The following COX7B2 variants were observed in gnomAD, a reference collection of about 807,000 sequenced individuals.
COX7B2 encodes the protein cytochrome c oxidase subunit 7B2, mitochondrial.
For missense variants in COX7B2, 109 were observed against 95.9 expected, an observed-to-expected ratio of 1.14 and a Z score of -0.57; for synonymous variants, 37 against 32.1, an observed-to-expected ratio of 1.15 and a Z score of -0.51.
intron 2 of COX7B2, among the ~76,000 whole-genome samples, chr4:46,748,373 A>C (rs945545564): frequency 1.3e-5 from 2 of 152,198 alleles, no homozygotes; most frequent in Non-Finnish European, 2.9e-5. Context: ...TAGTCTCAAA[A>C]CAAAAAAATA....
chr4:46,795,763 GGC>G (rs1474973021), intron 2 of COX7B2, among the ~76,000 whole-genome samples: 4 of 16,894 alleles, frequency 2.4e-4, no homozygotes, highest in Middle Eastern at 0.015. Flanking sequence ...TGATGGGGAT[GGC>G]ATTGAATCTG....
At chr4:46,784,871 A>G (rs1352850351) in intron 2 of COX7B2, among the ~76,000 whole-genome samples, 3 of 152,232 alleles carry the variant, frequency 2.0e-5, no homozygotes, top group African/African-American at 7.2e-5. Flanking sequence ...ATATCATCAC[A>G]TATTAGCTCC....
At chr4:46,897,122 G>A (rs1255854640) in intron 1 of COX7B2, among the ~76,000 whole-genome samples, 1 of 152,130 alleles carries the variant, frequency 6.6e-6, no homozygotes, top group Non-Finnish European at 1.5e-5. Context: ...AATGTCCTAT[G>A]TTAGCCTCAC....
chr4:46,882,924 T>C (rs1184581439), intron 1 of COX7B2, among the ~76,000 whole-genome samples: 1 of 152,216 alleles, frequency 6.6e-6, no homozygotes, highest in Non-Finnish European at 1.5e-5. Context: ...ATATTACTTG[T>C]GATAAATTTT....
chr4:46,807,342 A>G (rs1719057419), intron 2 of COX7B2, among the ~76,000 whole-genome samples: 1 of 152,082 alleles, frequency 6.6e-6, no homozygotes, highest in East Asian at 1.9e-4. Context: ...TCTTCTGACC[A>G]TGATTTAATT....
At position 46,855,043 on chromosome 4, in the gene COX7B2, T is replaced by C. The variant is rs116368850; in HGVS notation, c.-104-10029A>G. ...TTTTAAAGAAATTAACAAAAGTTTA[T>C]TAGGCCAGGTGCGGTGCCTCACGTC... On this transcript the variant is annotated intron_variant, in intron 1 of 2. Coordinates refer to ENST00000355591, the MANE Select transcript of COX7B2 (RefSeq NM_130902.3). Among the ~76,000 whole-genome samples, 247 of 152,278 alleles carry C rather than the reference T, an allele frequency of 1.6e-3. 2 individuals are homozygous for C. The highest frequency in any genetic ancestry group is 3.4e-3 in the Middle Eastern group (1 of 294).
intron 2 of COX7B2, among the ~76,000 whole-genome samples, chr4:46,754,086 G>C (rs62303544): frequency 0.11 from 17,213 of 152,102 alleles, 1,421 homozygotes; most frequent in East Asian, 0.24. Context: ...AGGATGTGGA[G>C]AAATAGGAAC....
intron 2 of COX7B2, among the ~76,000 whole-genome samples, chr4:46,759,445 A>G (rs1715997793): frequency 6.6e-6 from 1 of 152,082 alleles, no homozygotes; most frequent in Non-Finnish European, 1.5e-5. Flanking sequence ...TTTGCAATCT[A>G]TCCATCAGAC....
chr4:46,753,513 T>C (rs1715541430), intron 2 of COX7B2, among the ~76,000 whole-genome samples: 1 of 151,536 alleles, frequency 6.6e-6, no homozygotes, highest in Non-Finnish European at 1.5e-5. Context: ...TAGCCATATG[T>C]AGAAAGCTGA....
At chr4:46,770,708 C>T (rs1406632026) in intron 2 of COX7B2, among the ~76,000 whole-genome samples, 1 of 151,820 alleles carries the variant, frequency 6.6e-6, no homozygotes, top group African/African-American at 2.4e-5. Context: ...ACAAAAGTAT[C>T]AATCACATAA....
intron 2 of COX7B2, among the ~76,000 whole-genome samples, chr4:46,842,671 G>A (rs942044358): frequency 1.1e-4 from 17 of 151,892 alleles, no homozygotes; most frequent in Non-Finnish European, 1.6e-4. Flanking sequence ...TTGTCCTTGC[G>A]ATAGTTTGCT....
intron 1 of COX7B2, among the ~76,000 whole-genome samples, chr4:46,904,311 T>G (rs1720246842): frequency 6.6e-6 from 1 of 151,946 alleles, no homozygotes; most frequent in Non-Finnish European, 1.5e-5. Context: ...AGGCAAAAGA[T>G]TCAACTCCAT....
At chr4:46,742,868 C>T (rs978736115) in intron 2 of COX7B2, among the ~76,000 whole-genome samples, 1 of 152,096 alleles carries the variant, frequency 6.6e-6, no homozygotes, top group African/African-American at 2.4e-5. Flanking sequence ...CATTTCTATC[C>T]CATATGGAGT....
intron 1 of COX7B2, among the ~76,000 whole-genome samples, chr4:46,895,768 GC>G (rs886766335): frequency 2.0e-5 from 3 of 151,082 alleles, no homozygotes; most frequent in African/African-American, 4.9e-5. Flanking sequence ...TATTTTTAAG[GC>G]CCCCCCCAAA....
intron 2 of COX7B2, among the ~76,000 whole-genome samples, chr4:46,797,082 T>TA (rs1163666913): frequency 1.4e-5 from 1 of 71,378 alleles, no homozygotes; most frequent in Non-Finnish European, 2.3e-5. Flanking sequence ...CCCTAAAACT[T>TA]AGAGTATAAT....
At chr4:46,818,682 G>T (rs1003799476) in intron 2 of COX7B2, among the ~76,000 whole-genome samples, 13 of 151,434 alleles carry the variant, frequency 8.6e-5, no homozygotes, top group Middle Eastern at 6.9e-3. Context: ...TAGATCTCAA[G>T]CATCTTTCAT....
chr4:46,883,205 GA>G (rs1718860082), intron 1 of COX7B2, among the ~76,000 whole-genome samples: 2 of 152,108 alleles, frequency 1.3e-5, no homozygotes, highest in Non-Finnish European at 2.9e-5. Flanking sequence ...ATTCTGGAAG[GA>G]AATGTTTAAC....
chr4:46,770,417 C>T (rs1260692249), intron 2 of COX7B2, among the ~76,000 whole-genome samples: 1 of 151,946 alleles, frequency 6.6e-6, no homozygotes, highest in Non-Finnish European at 1.5e-5. Context: ...TCCATACTAC[C>T]CAAATAAATC....
rs542360502 is a variant in COX7B2 at position 46,741,880 on chromosome 4, A to G, written c.-49-6639T>C. Among the ~76,000 whole-genome samples the G allele has an allele frequency of 8.4e-4, 128 of 152,298 alleles. 1 individual carries two copies. Among genetic ancestry groups the G allele is most frequent in the Non-Finnish European group, 1.4e-3 (96 of 68,004 alleles). Reference sequence around the variant, plus strand: ...CCTGAGAATCTGTATTTTTTAAAACAAATTCTCAGGAGAGTTTTATCATCA... The same window carrying G: ...CCTGAGAATCTGTATTTTTTAAAACGAATTCTCAGGAGAGTTTTATCATCA... On this transcript the variant is annotated intron_variant, in intron 2 of 2. Transcript: ENST00000355591.
Sources: allele counts gnomAD v4.1 joint callset (sites outside exome capture counted in the v4.1 genomes callset), GRCh38; gene constraint gnomAD v4.1.1; transcripts MANE v1.5; gene names NCBI Gene and HGNC (gene_info 2026-07-23, HGNC 2026-07-21).